PRR19: variants seen among roughly 807,000 people sequenced by gnomAD.
PRR19 encodes the protein proline rich 19.
A neutral mutation model predicts 19.2 loss-of-function variants in PRR19; 9 were observed. That is an observed-to-expected ratio of 0.47 (90% confidence interval 0.28 to 0.82). The LOEUF (loss-of-function observed/expected upper bound fraction) is 0.82, where lower values mean the gene tolerates loss of function less well. PRR19 is among the 40% of genes least tolerant of loss of function. The pLI, the probability that PRR19 is intolerant of heterozygous loss-of-function variation, is 0.11. For missense variants in PRR19, 457 were observed against 466.0 expected (o/e 0.98, Z 0.18); for synonymous variants, 190 against 191.0 (o/e 0.99, Z 0.04).
chr19:42,310,598 C>T lies in PRR19; in HGVS notation c.929C>T (p.Pro310Leu), dbSNP rs1213911683. 3 of 1,614,134 alleles carry T rather than the reference C, an allele frequency of 1.9e-6. No homozygotes were observed. The highest frequency in any genetic ancestry group is 1.6e-4 in the Middle Eastern group (1 of 6,062). Reference protein sequence around the residue: ...PWGVGLPQPLPQPSSPLLPRT... With the variant: ...PWGVGLPQPLLQPSSPLLPRT... ...GGGGTTGGCCTCCCTCAGCCCCTGCCTCAGCCTTCATCACCCCTGTTGCCC... is the reference window on the plus strand; with the variant it reads ...GGGGTTGGCCTCCCTCAGCCCCTGCTTCAGCCTTCATCACCCCTGTTGCCC... The change falls in exon 3 of 3, where the codon CCT becomes CTT. Residue 310 changes from proline (P) to leucine (L), a missense_variant. Transcript: ENST00000341747.
rs1453282250 is a variant in PRR19 at position 42,302,518 on chromosome 19, G to A, written c.-7+15G>A. The A allele has an allele frequency of 1.8e-6, 1 of 540,968 alleles. No individual in the cohort carries two copies. Among genetic ancestry groups the A allele is most frequent in the South Asian group, 2.4e-5 (1 of 42,196 alleles). 33.5% of individuals were successfully genotyped at this position (540,968 alleles called of 1,614,324 possible). On this transcript the variant is annotated intron_variant, in intron 1 of 2. Coordinates refer to ENST00000341747, the MANE Select transcript of PRR19 (RefSeq NM_199285.3). ...TCACTTAGGAGGTAGGTGGAATCAG[G>A]AACCTTCGCTTCCCCCACGACGGCC...
Position 42,310,536 on chromosome 19 carries a change from C to T in PRR19, c.867C>T (p.Ile289=). Residue 289 remains isoleucine (I), a synonymous_variant, in exon 3 of 3, where the codon ATC becomes ATT. Transcript: ENST00000341747. ...PPTAFDLLKS[I]WLVATPPPPR... ...CAGCGTTTGACTTGTTAAAAAGCAT[C>T]TGGCTGGTAGCCACGCCACCCCCTC... 1.2e-6 allele frequency: 2 copies of T among 1,614,212 alleles called. No individual in the cohort carries two copies. The highest frequency in any genetic ancestry group is 1.3e-5 in the African/African-American group (1 of 75,056).
rs1568543382 is a variant in PRR19 at position 42,310,368 on chromosome 19, G to A, written c.699G>A (p.Gly233=). The A allele has an allele frequency of 6.2e-7, 1 of 1,614,126 alleles. No individual in the cohort carries two copies. Among genetic ancestry groups the A allele is most frequent in the African/African-American group, 1.3e-5 (1 of 75,042 alleles). Residue 233 remains glycine (G), a synonymous_variant, in exon 3 of 3, where the codon GGG becomes GGA. Transcript: ENST00000341747. ...AGGAGAGGCAAAGGAAGCAACAAGG[G>A]ACAAAGGAGTTCACCTTCCCCATGC... ...PEQERQRKQQ[G]TKEFTFPMPY...
intron 1 of PRR19, 76 bp from the exon 2 acceptor site, chr19:42,309,503 C>G: frequency 3.4e-6 from 4 of 1,190,940 alleles, no homozygotes; most frequent in Non-Finnish European, 4.7e-6. Flanking sequence ...GCCACCGCGC[C>G]CAGCCCTCCC....
rs2038769002 is a variant in PRR19 at position 42,310,004 on chromosome 19, G to A, written c.420G>A (p.Glu140=). 2.5e-6 allele frequency: 4 copies of A among 1,613,942 alleles called. No homozygotes were observed. The Admixed American group carries it at 6.7e-5, about 27-fold the overall frequency. Residue 140 remains glutamate (E), a synonymous_variant, in exon 2 of 3, where the codon GAG becomes GAA. Transcript: ENST00000341747. Reference sequence around the variant, plus strand: ...GCCCAGGCCCACCCAGTTCCCCAGAGTTGTCTGGCGTGGGGCAGCTGCTGG... The same window carrying A: ...GCCCAGGCCCACCCAGTTCCCCAGAATTGTCTGGCGTGGGGCAGCTGCTGG... The part of the protein sequence containing the change: ...GSGPGPPSSP[E]LSGVGQLLAE...
intron 1 of PRR19, among the ~76,000 whole-genome samples, chr19:42,308,390 C>G (rs1389784137): frequency 1.7e-5 from 2 of 119,316 alleles, no homozygotes; most frequent in Non-Finnish European, 3.5e-5. Context: ...CCGAATCCAG[C>G]TTTTTTTTTT....
Position 42,310,378 on chromosome 19 carries a change from T to C in PRR19, c.709T>C (p.Phe237Leu). Reference protein sequence around the residue: ...RQRKQQGTKEFTFPMPYTSSM... With the variant: ...RQRKQQGTKELTFPMPYTSSM... ...AAGGAAGCAACAAGGGACAAAGGAGTTCACCTTCCCCATGCCCTACACCTC... is the reference window on the plus strand; with the variant it reads ...AAGGAAGCAACAAGGGACAAAGGAGCTCACCTTCCCCATGCCCTACACCTC... The change falls in exon 3 of 3, where the codon TTC (phenylalanine) becomes CTC (leucine). Residue 237 changes from phenylalanine (F) to leucine (L), a missense_variant. Physicochemically the swap from Phe to Leu is conservative, Grantham distance 22. Transcript: ENST00000341747. 2 of 1,613,806 alleles carry C rather than the reference T, an allele frequency of 1.2e-6. No individual in the cohort carries two copies. The highest frequency in any genetic ancestry group is 1.7e-6 in the Non-Finnish European group (2 of 1,179,896).
At chr19:42,308,388 A>G (rs2147399135) in intron 1 of PRR19, among the ~76,000 whole-genome samples, 2 of 142,182 alleles carry the variant, frequency 1.4e-5, no homozygotes, top group Admixed American at 7.0e-5. Context: ...CACCGAATCC[A>G]GCTTTTTTTT....
At position 42,302,273 on chromosome 19, in the gene PRR19, G is replaced by A. The variant is rs780100836; in HGVS notation, c.-237G>A. The A allele has an allele frequency of 3.1e-6, 5 of 1,607,000 alleles. No individual in the cohort carries two copies. ...CCGTCGCCCTGTACGTCCTGCACCG[G>A]CGTGGGCTTGCTGGCTGGGTTCTCC... On this transcript the variant is annotated 5_prime_UTR_variant, in exon 1 of 3. Coordinates refer to ENST00000341747, the MANE Select transcript of PRR19 (RefSeq NM_199285.3).
chr19:42,304,749 CAAA>C (rs934766288), intron 1 of PRR19, among the ~76,000 whole-genome samples: 14 of 36,812 alleles, frequency 3.8e-4, no homozygotes, highest in Non-Finnish European at 6.6e-4. Flanking sequence ...GACGCCGTCT[CAAA>C]AAAAAAAAAA....
intron 1 of PRR19, among the ~76,000 whole-genome samples, chr19:42,304,749 C>CAAAA (rs934766288): frequency 5.4e-5 from 2 of 36,798 alleles, no homozygotes; most frequent in African/African-American, 1.1e-4. Context: ...GACGCCGTCT[C>CAAAA]AAAAAAAAAA....
chr19:42,304,016 T>C (rs977353913), intron 1 of PRR19, among the ~76,000 whole-genome samples: 6 of 151,734 alleles, frequency 4.0e-5, no homozygotes, highest in African/African-American at 1.5e-4. Flanking sequence ...TGGAGGCTCA[T>C]GCCTGTAATC....
chr19:42,302,405 G>A lies in PRR19; in HGVS notation c.-105G>A, dbSNP rs2038649709. ...CGCCACGCCCACTCCTACCCCTCGC[G>A]GCAACAAAGGACCGTCCCAACGCTA... On this transcript the variant is annotated 5_prime_UTR_variant, in exon 1 of 3. Transcript: ENST00000341747. The A allele has an allele frequency of 2.6e-6, 3 of 1,143,970 alleles. No individual in the cohort carries two copies. Among genetic ancestry groups the A allele is most frequent in the Admixed American group, 2.3e-5 (1 of 43,484 alleles). 70.9% of individuals were successfully genotyped at this position (1,143,970 alleles called of 1,614,324 possible).
chr19:42,302,271 C>T lies in PRR19; in HGVS notation c.-239C>T. 6.2e-7 allele frequency: 1 copy of T among 1,607,294 alleles called. No individual in the cohort carries two copies. Among genetic ancestry groups the T allele is most frequent in the East Asian group, 2.2e-5 (1 of 44,644 alleles). On this transcript the variant is annotated 5_prime_UTR_variant, in exon 1 of 3. Transcript: ENST00000341747. ...GCCCGTCGCCCTGTACGTCCTGCAC[C>T]GGCGTGGGCTTGCTGGCTGGGTTCT...
Position 42,302,255 on chromosome 19 carries a change from C to T in PRR19, c.-255C>T, listed in dbSNP as rs145667000. 1.1e-4 allele frequency: 171 copies of T among 1,605,102 alleles called. No individual in the cohort carries two copies. The Middle Eastern group carries it at 1.5e-3, about 14-fold the overall frequency. On this transcript the variant is annotated 5_prime_UTR_variant, in exon 1 of 3. Transcript: ENST00000341747. ...ACCAGGGACATCCAGCGCCCGTCGC[C>T]CTGTACGTCCTGCACCGGCGTGGGC...
rs756986067 is a variant in PRR19, at chr19:42,310,068, C to T, written c.484C>T (p.Pro162Ser). Residue 162 changes from proline to serine, a missense_variant, in exon 2 of 3, where the codon CCC becomes TCC. Coordinates refer to ENST00000341747, the MANE Select transcript of PRR19 (RefSeq NM_199285.3). ...QCQLSLPQAF[P>S]RRNLIQDARD... ...TCAGCTGAGTTTGCCACAGGCCTTC[C>T]CCCGGAGGAACCTGATTCAGGATGC... 6.2e-6 allele frequency: 10 copies of T among 1,613,976 alleles called. No homozygotes were observed. The East Asian group carries it at 1.6e-4, about 25-fold the overall frequency.
intron 1 of PRR19, among the ~76,000 whole-genome samples, chr19:42,308,459 C>T (rs890300328): frequency 6.4e-5 from 9 of 141,382 alleles, no homozygotes; most frequent in African/African-American, 2.4e-4. Flanking sequence ...AGCGCAGTGG[C>T]GCAATCTCGG....
chr19:42,307,849 C>G (rs572116968), intron 1 of PRR19, among the ~76,000 whole-genome samples: 4 of 150,334 alleles, frequency 2.7e-5, no homozygotes, highest in Admixed American at 6.7e-5. Flanking sequence ...GCTCCGCCTC[C>G]TGGGTTCACG....
intron 1 of PRR19, among the ~76,000 whole-genome samples, chr19:42,306,026 T>G (rs956172171): frequency 2.6e-5 from 4 of 151,962 alleles, no homozygotes; most frequent in Admixed American, 2.6e-4. Flanking sequence ...CGTGAGCCAA[T>G]GCATGTGGCC....
Sources: allele counts gnomAD v4.1 joint callset (sites outside exome capture counted in the v4.1 genomes callset), GRCh38; gene constraint gnomAD v4.1.1; transcripts MANE v1.5; gene names NCBI Gene and HGNC (gene_info 2026-07-23, HGNC 2026-07-21).